Variants in SSBP4 observed in about 807,000 individuals in gnomAD.
SSBP4 encodes the protein single stranded DNA binding protein 4.
In SSBP4, 33 loss-of-function variants were observed where a neutral mutation model predicts 64.6. That is an observed-to-expected ratio of 0.51 (90% CI 0.39 to 0.68). The LOEUF (loss-of-function observed/expected upper bound fraction) is 0.68. Ranked by LOEUF, SSBP4 falls within the 30% of genes least tolerant of loss-of-function variation. SSBP4 has a pLI of 0.00. For synonymous variants in SSBP4, 243 were observed against 224.0 expected (o/e 1.08, Z -0.76); for missense variants, 583 against 566.8 (o/e 1.03, Z -0.29).
At chr19:18,434,088 C>T in intron 17 of SSBP4, 129 bp from the exon 18 acceptor site, 14 of 1,437,650 alleles carry the variant, frequency 9.7e-6, no homozygotes, top group Non-Finnish European at 1.2e-5. Flanking sequence ...CCCCCGTTCC[C>T]TCCTGTCCCC....
chr19:18,432,419 A>G lies in SSBP4; in HGVS notation c.705-140A>G, dbSNP rs560189366. On this transcript the variant is annotated intron_variant, in intron 10 of 17. Transcript: ENST00000270061. Reference sequence around the variant, plus strand: ...GGTTGGGATTGGAACCTGGCAGCTCATGGTGGCCACTTTTCCAGCAACATC... The same window carrying G: ...GGTTGGGATTGGAACCTGGCAGCTCGTGGTGGCCACTTTTCCAGCAACATC... The G allele has an allele frequency of 1.9e-5, 26 of 1,356,134 alleles. No homozygotes were observed. The African/African-American group carries it at 3.1e-4, about 16-fold the overall frequency. The allele number at this position is 1,356,134 out of a possible 1,614,324, so 84.0% of individuals were successfully genotyped here. A position where few individuals can be genotyped will look rare whatever the true frequency, so the allele number is the denominator to read the frequency against.
chr19:18,413,290 C>T, the SSBP4 span, among the ~76,000 whole-genome samples: 1 of 152,044 alleles, frequency 6.6e-6, no homozygotes, highest in Middle Eastern at 3.4e-3. Flanking sequence ...CTCACGGCAA[C>T]CTCCGCTTCC....
the SSBP4 span, among the ~76,000 whole-genome samples, chr19:18,404,073 GA>G: frequency 2.0e-5 from 3 of 152,036 alleles, no homozygotes; most frequent in South Asian, 6.2e-4. Context: ...GAGATGCCAA[GA>G]GACCCTCAGA....
At position 18,430,826 on chromosome 19, in the gene SSBP4, C is replaced by T. The variant is rs746438079; in HGVS notation, c.280-15C>T. On this transcript the variant is annotated splice_polypyrimidine_tract_variant and intron_variant, in intron 4 of 17. Coordinates refer to ENST00000270061, the MANE Select transcript of SSBP4 (RefSeq NM_032627.5). ...TGTCCTGACCTGGCCCTCTGGGTTTCCCGCACCCTTACAGAGTGCTGCAGC... is the reference window on the plus strand; with the variant it reads ...TGTCCTGACCTGGCCCTCTGGGTTTTCCGCACCCTTACAGAGTGCTGCAGC... 1.9e-5 allele frequency: 30 copies of T among 1,602,780 alleles called. 1 individual carries two copies. The highest frequency in any genetic ancestry group is 2.4e-5 in the Non-Finnish European group (28 of 1,173,490).
upstream of SSBP4, among the ~76,000 whole-genome samples, chr19:18,417,846 C>G (rs970196482): frequency 6.6e-6 from 1 of 152,046 alleles, no homozygotes; most frequent in Non-Finnish European, 1.5e-5. This position sits in a 1 kb window ranked among gnomAD's most constrained non-coding sequence, Gnocchi z 5.4. Flanking sequence ...CCCGGCGGCT[C>G]CCGACTTCCC....
Position 18,430,946 on chromosome 19 carries a change from G to C in SSBP4, c.369+16G>C. The stretch of plus-strand genomic sequence containing the variant: ...CTTCTTCCAGGTATGGCCCCGGCTG[G>C]AGTCCACTGGCCCCCAACTCTGGCT... On this transcript the variant is annotated intron_variant, in intron 5 of 17. Coordinates refer to ENST00000270061, the MANE Select transcript of SSBP4 (RefSeq NM_032627.5). The C allele has an allele frequency of 6.2e-7, 1 of 1,609,778 alleles. No homozygotes were observed. The highest frequency in any genetic ancestry group is 8.5e-7 in the Non-Finnish European group (1 of 1,179,500).
Position 18,432,875 on chromosome 19 carries a change from G to T in SSBP4, c.833G>T (p.Ser278Ile), listed in dbSNP as rs1424238656. 6.2e-7 allele frequency: 1 copy of T among 1,614,060 alleles called. No homozygotes were observed. The highest frequency in any genetic ancestry group is 2.2e-5 in the East Asian group (1 of 44,886). ...CCCCCTGGAACACCCATCATGCCTA[G>T]CCCTGGAGGTATGGCCTAGTAAGAG... ...GGPPGTPIMP[S>I]PGDSTNSSEN... is the part of the protein sequence containing the mutation. Residue 278 changes from serine to isoleucine, a missense_variant, in exon 13 of 18, where the codon AGC (serine) becomes ATC (isoleucine). Physicochemically the swap from Ser to Ile is moderately radical, Grantham distance 142. Coordinates refer to ENST00000270061, the MANE Select transcript of SSBP4 (RefSeq NM_032627.5).
intron 15 of SSBP4, 185 bp downstream of exon 15, chr19:18,433,398 A>T (rs1973651043): frequency 1.6e-6 from 2 of 1,261,212 alleles, no homozygotes; most frequent in African/African-American, 3.0e-5. Flanking sequence ...AAACCAGAGG[A>T]TGCACTGACC....
the SSBP4 span, among the ~76,000 whole-genome samples, chr19:18,408,424 G>C: frequency 6.6e-6 from 1 of 151,976 alleles, no homozygotes; most frequent in Non-Finnish European, 1.5e-5. Flanking sequence ...TAACCCCCAG[G>C]AGGGCTTCTG....
upstream of SSBP4, among the ~76,000 whole-genome samples, chr19:18,418,233 T>G (rs1972205791): frequency 6.6e-6 from 1 of 152,074 alleles, no homozygotes; most frequent in African/African-American, 2.4e-5. This position sits in a 1 kb window ranked among gnomAD's most constrained non-coding sequence, Gnocchi z 6.7. Flanking sequence ...AGCCGCGTGT[T>G]TGCACACACG....
intron 1 of SSBP4, 143 bp downstream of exon 1, chr19:18,419,850 G>A (rs1600278483): frequency 2.8e-6 from 1 of 355,582 alleles, no homozygotes; most frequent in East Asian, 1.3e-4. Flanking sequence ...GATTGGCGGG[G>A]GCGCGCGACC....
intron 4 of SSBP4, among the ~76,000 whole-genome samples, chr19:18,429,544 C>T (rs1398691571): frequency 6.6e-6 from 1 of 151,952 alleles, no homozygotes; most frequent in Non-Finnish European, 1.5e-5. Context: ...AGGGGATTGC[C>T]CTCCCTGCGG....
intron 9 of SSBP4, 34 bp from the exon 10 acceptor site, chr19:18,432,113 C>T (rs538675557): frequency 1.7e-5 from 28 of 1,607,960 alleles, no homozygotes; most frequent in African/African-American, 1.5e-4. Flanking sequence ...GGGCTGTCCC[C>T]GGTCTACCCC....
chr19:18,425,099 G>A (rs1600303437), intron 1 of SSBP4, among the ~76,000 whole-genome samples: 3 of 149,824 alleles, frequency 2.0e-5, no homozygotes, highest in South Asian at 2.1e-4. Flanking sequence ...AGGAGGGGGC[G>A]GAGAGGGCGG....
chr19:18,419,676 G>A lies in SSBP4; in HGVS notation c.28G>A (p.Ala10Thr). The change falls in exon 1 of 18, where the codon GCC becomes ACC. Residue 10 changes from alanine (A) to threonine (T), a missense_variant. By Grantham distance (58) the Ala-to-Thr change is moderately conservative (BLOSUM62 0). Around this residue, in one of 5 missense-constraint regions of SSBP4, gnomAD observed 39 missense variants for 25.7 expected, o/e 1.52. Coordinates refer to ENST00000270061, the MANE Select transcript of SSBP4 (RefSeq NM_032627.5). ...GTACGCCAAGGGGGGCAAGGGTTCG[G>A]CCGTGCCCTCCGACAGCCAGGCCCG... MYAKGGKGS[A>T]VPSDSQAREK... The A allele has an allele frequency of 1.7e-6, 2 of 1,205,586 alleles. No homozygotes were observed. Among genetic ancestry groups the A allele is most frequent in the Non-Finnish European group, 2.1e-6 (2 of 966,870 alleles). 74.7% of individuals were successfully genotyped at this position (1,205,586 alleles called of 1,614,324 possible).
intron 17 of SSBP4, 158 bp downstream of exon 17, chr19:18,433,975 TC>T: frequency 8.9e-7 from 1 of 1,129,396 alleles, no homozygotes; most frequent in Non-Finnish European, 1.1e-6. Flanking sequence ...CCTCAACCTC[TC>T]CCCACCCCCC....
the SSBP4 span, among the ~76,000 whole-genome samples, chr19:18,406,558 G>A: frequency 6.6e-6 from 1 of 152,002 alleles, no homozygotes. Flanking sequence ...TGAGGTGGGA[G>A]GATCCGTTGG....
the SSBP4 span, among the ~76,000 whole-genome samples, chr19:18,404,593 C>CAAAA: frequency 4.1e-5 from 3 of 72,916 alleles, no homozygotes; most frequent in Non-Finnish European, 8.0e-5. Flanking sequence ...GACTCTGTCT[C>CAAAA]AAAAAAAAAA....
chr19:18,419,666 CA>C lies in SSBP4; in HGVS notation c.20del (p.Lys7ArgfsTer133). ...GGAGCAGCATGTACGCCAAGGGGGG[CA>C]AGGGTTCGGCCGTGCCCTCCGACAG... Reference protein sequence around the residue: MYAKGGKGSAVPSDSQA... With the variant: MYAKGGXGSAVPSDSQA... On this transcript the variant is annotated frameshift_variant, in exon 1 of 18. Coordinates refer to ENST00000270061, the MANE Select transcript of SSBP4 (RefSeq NM_032627.5). 1.6e-6 allele frequency: 2 copies of C among 1,238,802 alleles called. No homozygotes were observed. Among genetic ancestry groups the C allele is most frequent in the Non-Finnish European group, 2.0e-6 (2 of 985,958 alleles). The allele number at this position is 1,238,802 out of a possible 1,614,324, so 76.7% of individuals were successfully genotyped here. A position where few individuals can be genotyped will look rare whatever the true frequency, so the allele number is the denominator to read the frequency against.
Sources: allele counts gnomAD v4.1 joint callset (sites outside exome capture counted in the v4.1 genomes callset), GRCh38; gene constraint gnomAD v4.1.1; regional missense constraint gnomAD v4.1.1; non-coding constraint Gnocchi (gnomAD v3.1); transcripts MANE v1.5; gene names NCBI Gene and HGNC (gene_info 2026-07-23, HGNC 2026-07-21).